Variants in SHISA9 observed in about 807,000 individuals in gnomAD.
SHISA9 encodes the protein shisa family member 9, also known as protein shisa-9.
Under a neutral mutation model 38.0 loss-of-function variants are expected in SHISA9, and 13 were observed. The ratio of observed to expected loss-of-function variants is 0.34; its 90% confidence interval spans 0.22 to 0.54. The LOEUF is 0.54. SHISA9 is among the 20% of genes least tolerant of loss of function. The probability of loss-of-function intolerance (pLI) is 0.91; values close to 1 mark genes in which losing one functional copy is unlikely to be tolerated. For missense variants in SHISA9, 538 were observed against 575.8 expected, an observed-to-expected ratio of 0.93 and a Z score of 0.67; for synonymous variants, 275 against 242.0, an observed-to-expected ratio of 1.14 and a Z score of -1.27.
chr16:13,324,295 C>T, the SHISA9 span, among the ~76,000 whole-genome samples: 1 of 152,104 alleles, frequency 6.6e-6, no homozygotes, highest in Admixed American at 6.6e-5. Flanking sequence ...CTTTCGTGAC[C>T]TCTTAGCAGT....
the SHISA9 span, among the ~76,000 whole-genome samples, chr16:13,323,710 G>A: frequency 6.6e-6 from 1 of 152,132 alleles, no homozygotes; most frequent in Non-Finnish European, 1.5e-5. Context: ...AAGAAGTGTC[G>A]AGCAAAGGGG....
At chr16:13,458,641 A>G in the SHISA9 span, 8 of 336,890 alleles carry the variant, frequency 2.4e-5, no homozygotes, top group Admixed American at 5.0e-5. Flanking sequence ...TATTATGCAG[A>G]TGTATGGAGA....
At chr16:13,261,523 A>G in the SHISA9 span, among the ~76,000 whole-genome samples, 1 of 152,220 alleles carries the variant, frequency 6.6e-6, no homozygotes, top group Non-Finnish European at 1.5e-5. Context: ...CACCCCCACC[A>G]GCTCTTTCCA....
chr16:13,303,487 GACACAAAAGGTC>G, the SHISA9 span, among the ~76,000 whole-genome samples: 188 of 152,250 alleles, frequency 1.2e-3, no homozygotes, highest in African/African-American at 3.9e-3. Context: ...AAAGAAGCCA[GACACAAAAGGTC>G]ACATATTGTA....
the SHISA9 span, among the ~76,000 whole-genome samples, chr16:13,332,759 C>T: frequency 5.3e-5 from 8 of 152,200 alleles, no homozygotes; most frequent in East Asian, 3.9e-4. Context: ...AGGAGCCTCA[C>T]GTGAGAGGAT....
intron 2 of SHISA9, among the ~76,000 whole-genome samples, chr16:13,111,579 G>C (rs77688783): frequency 6.6e-6 from 1 of 152,176 alleles, no homozygotes; most frequent in Non-Finnish European, 1.5e-5. Flanking sequence ...TGGGCACATA[G>C]AAAGGCCAGA....
chr16:13,194,771 G>A (rs2050921246), intron 2 of SHISA9, among the ~76,000 whole-genome samples: 1 of 152,222 alleles, frequency 6.6e-6, no homozygotes, highest in Admixed American at 6.5e-5. Context: ...TAGTCCATAA[G>A]CACTGTGTTC....
At chr16:13,048,706 G>A (rs1035845883) in intron 2 of SHISA9, among the ~76,000 whole-genome samples, 1 of 152,212 alleles carries the variant, frequency 6.6e-6, no homozygotes, top group Non-Finnish European at 1.5e-5. Context: ...ACAGGCATGA[G>A]CCACCGCACC....
the SHISA9 span, among the ~76,000 whole-genome samples, chr16:13,381,640 T>C: frequency 6.6e-6 from 1 of 152,220 alleles, no homozygotes; most frequent in East Asian, 1.9e-4. Context: ...CTGCTTTTCC[T>C]TTTTTAGCGC....
chr16:13,524,028 C>G, the SHISA9 span, among the ~76,000 whole-genome samples: 10 of 152,118 alleles, frequency 6.6e-5, no homozygotes, highest in East Asian at 1.9e-4. Flanking sequence ...GTCACACAGT[C>G]GAGAAATGGT....
At chr16:13,163,163 C>G (rs2050609921) in intron 2 of SHISA9, among the ~76,000 whole-genome samples, 1 of 152,078 alleles carries the variant, frequency 6.6e-6, no homozygotes, top group Non-Finnish European at 1.5e-5. Flanking sequence ...GCTAATAATG[C>G]TAAGCATTTA....
intron 2 of SHISA9, among the ~76,000 whole-genome samples, chr16:13,037,886 C>G (rs1350072123): frequency 2.0e-5 from 3 of 152,194 alleles, no homozygotes; most frequent in Non-Finnish European, 2.9e-5. Flanking sequence ...GACTACTCCA[C>G]CAGTTTCTTT....
the SHISA9 span, among the ~76,000 whole-genome samples, chr16:13,559,203 T>C: frequency 2.1e-3 from 326 of 152,262 alleles, 1 homozygote; most frequent in Non-Finnish European, 3.9e-3. Flanking sequence ...TTTAAATTAT[T>C]TGCACACAGA....
At chr16:12,915,006 G>A (rs1297695163) in intron 1 of SHISA9, among the ~76,000 whole-genome samples, 1 of 152,178 alleles carries the variant, frequency 6.6e-6, no homozygotes, top group East Asian at 1.9e-4. Context: ...GTCTGCGTGG[G>A]TTGCCCCCAA....
At chr16:13,212,980 C>T (rs73507151) in intron 3 of SHISA9, among the ~76,000 whole-genome samples, 5 of 152,272 alleles carry the variant, frequency 3.3e-5, no homozygotes, top group African/African-American at 9.6e-5. Flanking sequence ...TTCTGCCTTA[C>T]GTAACTGAAA....
chr16:13,388,177 A>G, the SHISA9 span, among the ~76,000 whole-genome samples: 1 of 152,184 alleles, frequency 6.6e-6, no homozygotes, highest in Non-Finnish European at 1.5e-5. Context: ...GATGTGGAAC[A>G]GAAGAAAAAG....
At chr16:13,497,468 G>A in the SHISA9 span, among the ~76,000 whole-genome samples, 1 of 151,994 alleles carries the variant, frequency 6.6e-6, no homozygotes, top group Middle Eastern at 3.2e-3. Flanking sequence ...GGAGGATCAC[G>A]AGGTCAGGAG....
chr16:13,484,068 C>T, the SHISA9 span, among the ~76,000 whole-genome samples: 12 of 152,072 alleles, frequency 7.9e-5, no homozygotes, highest in East Asian at 1.6e-3. Context: ...GTAACTGAGC[C>T]GTCAATCAGT....
At chr16:13,080,290 A>G (rs1269192728) in intron 2 of SHISA9, among the ~76,000 whole-genome samples, 3 of 152,164 alleles carry the variant, frequency 2.0e-5, no homozygotes, top group Non-Finnish European at 4.4e-5. Context: ...GGAGAATGGC[A>G]TGAACCCGGG....
Sources: allele counts gnomAD v4.1 joint callset (sites outside exome capture counted in the v4.1 genomes callset), GRCh38; gene constraint gnomAD v4.1.1; transcripts MANE v1.5; gene names NCBI Gene and HGNC (gene_info 2026-07-23, HGNC 2026-07-21).